DSC3: variants seen among roughly 807,000 people sequenced by gnomAD.
DSC3 encodes the protein desmocollin 3.
Under a neutral mutation model 89.5 loss-of-function variants are expected in DSC3, and 97 were observed. That is an observed-to-expected ratio of 1.08 (90% CI 0.92 to 1.28). The LOEUF (loss-of-function observed/expected upper bound fraction) is 1.28, where lower values mean the gene tolerates loss of function less well. Ranked by LOEUF, DSC3 falls within the 50% of genes most tolerant of loss-of-function variation. The pLI, the probability that DSC3 is intolerant of heterozygous loss-of-function variation, is 0.00. For synonymous variants in DSC3, 436 were observed against 384.1 expected, an observed-to-expected ratio of 1.14 and a Z score of -1.58; for missense variants, 1,199 against 1,085.3, an observed-to-expected ratio of 1.10 and a Z score of -1.47.
chr18:31,025,155 C>T (rs915847831), intron 5 of DSC3, among the ~76,000 whole-genome samples: 2 of 152,172 alleles, frequency 1.3e-5, no homozygotes, highest in African/African-American at 4.8e-5. Flanking sequence ...TTCCGAAAAT[C>T]ATTCCATCAG....
rs1303656515 is a variant in DSC3 at position 31,023,007 on chromosome 18, A to G, written c.776-505T>C. On this transcript the variant is annotated intron_variant, in intron 6 of 15. Transcript: ENST00000360428. ...GCTACTTCCTGATTTGATTTGTTTT[A>G]ATAAACCGGTTTAGTATCACAGCCT... is the stretch of plus-strand genomic sequence containing the variant. Among the ~76,000 whole-genome samples, 2 of 152,138 alleles carry G rather than the reference A, an allele frequency of 1.3e-5. 1 individual carries two copies. Among genetic ancestry groups the G allele is most frequent in the Non-Finnish European group, 2.9e-5 (2 of 68,020 alleles).
intron 6 of DSC3, 68 bp from the exon 7 acceptor site, chr18:31,022,570 C>A: frequency 6.5e-7 from 1 of 1,533,188 alleles, no homozygotes; most frequent in Non-Finnish European, 9.0e-7. Context: ...AAAGTATCTA[C>A]AATCTTAAAA....
intron 4 of DSC3, among the ~76,000 whole-genome samples, chr18:31,027,329 GGTGTCTCATTTTTGCTGCTTCT>G (rs1283393658): frequency 6.6e-6 from 1 of 152,066 alleles, no homozygotes; most frequent in Non-Finnish European, 1.5e-5. Flanking sequence ...GAGGTAGGCA[GGTGTCTCATTTTTGCTGCTTCT>G]GTTATTTTTG....
At chr18:31,006,138 C>T (rs920339280) in intron 12 of DSC3, among the ~76,000 whole-genome samples, 9 of 152,062 alleles carry the variant, frequency 5.9e-5, no homozygotes, top group African/African-American at 2.2e-4. Flanking sequence ...AGCAGCCCCT[C>T]AATACTCCTT....
At chr18:31,020,639 C>G (rs907987598) in intron 7 of DSC3, among the ~76,000 whole-genome samples, 1 of 152,048 alleles carries the variant, frequency 6.6e-6, no homozygotes, top group East Asian at 1.9e-4. Context: ...GATCTCCCTT[C>G]CATACTGAAA....
chr18:31,000,998 CAT>C (rs955968480), intron 14 of DSC3, among the ~76,000 whole-genome samples: 2 of 144,808 alleles, frequency 1.4e-5, no homozygotes, highest in African/African-American at 5.1e-5. Flanking sequence ...ATTTTGTGTA[CAT>C]ATATATATAC....
intron 1 of DSC3, among the ~76,000 whole-genome samples, chr18:31,040,438 C>G (rs1986095369): frequency 6.6e-6 from 1 of 152,166 alleles, no homozygotes. Context: ...CTGAGGCAAT[C>G]AAAAACTTAC....
At position 31,032,573 on chromosome 18, in the gene DSC3, TGTGTGTGTGTGTGTGTGCGTGTGC is replaced by T. The variant is rs1404385937; in HGVS notation, c.70-321_70-298del. Among the ~76,000 whole-genome samples the T allele has an allele frequency of 1.2e-3, 154 of 130,608 alleles. 1 individual carries two copies. The highest frequency in any genetic ancestry group is 4.3e-3 in the African/African-American group (140 of 32,838). The allele number at this position is 130,608 out of a possible 152,430, so 85.7% of individuals were successfully genotyped here. On this transcript the variant is annotated intron_variant, in intron 1 of 15. Coordinates refer to ENST00000360428, the MANE Select transcript of DSC3 (RefSeq NM_001941.5). ...GTGTGTATGTGTGTGTGTGTGTGTGTGTGTGTGTGTGTGTGTGCGTGTGCGTGTGCGTGTGCGTGTGTGACTGAG... is the reference window on the plus strand; with the variant it reads ...GTGTGTATGTGTGTGTGTGTGTGTGTGTGTGCGTGTGCGTGTGTGACTGAG...
rs1567960349 is a variant in DSC3, at chr18:31,029,549, T to C, written c.434A>G (p.Gln145Arg). The change falls in exon 4 of 16, where the codon CAA becomes CGA. Residue 145 changes from glutamine (Q) to arginine (R), a missense_variant. By Grantham distance (43) the Gln-to-Arg change is conservative. Transcript: ENST00000360428. ...RRWAPIPCSM[Q>R]ENSLGPFPLF... The stretch of plus-strand genomic sequence containing the variant: ...TGGGAAAGGGCCCAAGGAATTCTCT[T>C]GCATAGAGCAAGGAATAGGTGCCCA... 5 of 1,613,918 alleles carry C rather than the reference T, an allele frequency of 3.1e-6. No homozygotes were observed. The highest frequency in any genetic ancestry group is 4.2e-6 in the Non-Finnish European group (5 of 1,179,784).
intron 12 of DSC3, 27 bp downstream of exon 12, chr18:31,006,880 T>C: frequency 6.5e-7 from 1 of 1,529,636 alleles, no homozygotes; most frequent in Non-Finnish European, 9.0e-7. Context: ...TTTCAGAGTT[T>C]ATAAATCATT....
At chr18:31,038,693 A>ACATATAT (rs1986043587) in intron 1 of DSC3, among the ~76,000 whole-genome samples, 1 of 152,090 alleles carries the variant, frequency 6.6e-6, no homozygotes, top group Non-Finnish European at 1.5e-5. Context: ...ATATATTATA[A>ACATATAT]ATACCAAAGA....
At chr18:31,020,949 GA>G (rs560036941) in intron 7 of DSC3, among the ~76,000 whole-genome samples, 2 of 151,550 alleles carry the variant, frequency 1.3e-5, no homozygotes, top group Non-Finnish European at 2.9e-5. Flanking sequence ...CTCAAAAAAA[GA>G]AAAAAATACA....
At chr18:31,011,869 T>C (rs1334193528) in intron 9 of DSC3, among the ~76,000 whole-genome samples, 1 of 146,402 alleles carries the variant, frequency 6.8e-6, no homozygotes, top group African/African-American at 2.5e-5. Flanking sequence ...GGCATGCGCC[T>C]GTAGTCCCAG....
chr18:31,006,838 G>T, intron 12 of DSC3, 69 bp downstream of exon 12: 1 of 1,251,244 alleles, frequency 8.0e-7, no homozygotes, highest in Non-Finnish European at 1.1e-6. Context: ...GTGTAAGTAA[G>T]CAAGTCAATC....
chr18:31,023,934 C>T (rs1213584640), intron 6 of DSC3, among the ~76,000 whole-genome samples: 2 of 151,968 alleles, frequency 1.3e-5, no homozygotes, highest in South Asian at 2.1e-4. Context: ...AAACTGTACC[C>T]TTAGTGGATG....
intron 1 of DSC3, among the ~76,000 whole-genome samples, chr18:31,033,268 A>G (rs1985862401): frequency 6.6e-6 from 1 of 152,158 alleles, no homozygotes; most frequent in Admixed American, 6.5e-5. Context: ...ACTTTTTTTG[A>G]AGAAATTGAA....
intron 1 of DSC3, 77 bp from the exon 2 acceptor site, chr18:31,032,353 A>T: frequency 8.6e-7 from 1 of 1,159,230 alleles, no homozygotes; most frequent in East Asian, 2.5e-5. Flanking sequence ...TAGATGTAAA[A>T]CAAGCAACTG....
chr18:31,012,503 G>A (rs1180842676), intron 9 of DSC3, among the ~76,000 whole-genome samples: 1 of 152,140 alleles, frequency 6.6e-6, no homozygotes, highest in Non-Finnish European at 1.5e-5. Flanking sequence ...TAGATAGTCT[G>A]GACATTCAAC....
chr18:31,023,113 TTC>T (rs1040801247), intron 6 of DSC3, among the ~76,000 whole-genome samples: 46 of 152,172 alleles, frequency 3.0e-4, no homozygotes, highest in African/African-American at 1.1e-3. Context: ...TCCTTTTTTT[TTC>T]TCTGTTACTG....
Sources: gnomAD v4.1 joint callset for allele counts (sites outside exome capture counted in the v4.1 genomes callset) on GRCh38, gnomAD v4.1.1 for gene constraint, MANE v1.5 for transcripts, NCBI Gene and HGNC (gene_info 2026-07-23, HGNC 2026-07-21) for gene names.